Variants in ABLIM1 observed in about 807,000 individuals in gnomAD.
ABLIM1 encodes the protein actin binding LIM protein 1.
ABLIM1 carries 40 observed loss-of-function variants against 107.0 expected under a neutral mutation model. That is an observed-to-expected ratio of 0.37 (90% CI 0.29 to 0.49). The LOEUF is 0.49. ABLIM1 is among the 20% of genes least tolerant of loss of function. The pLI is 0.97. For synonymous variants in ABLIM1, 357 were observed against 357.3 expected (o/e 1.00, Z 0.01); for missense variants, 857 against 1,008.5 (o/e 0.85, Z 2.04).
At chr10:114,777,001 A>G in the ABLIM1 span, among the ~76,000 whole-genome samples, 1 of 152,106 alleles carries the variant, frequency 6.6e-6, no homozygotes, top group African/African-American at 2.4e-5. Flanking sequence ...CTTAGGTTGC[A>G]CTTGTCTTTT....
Position 114,432,965 on chromosome 10 carries a change from A to G in ABLIM1, c.*3295T>C, listed in dbSNP as rs538929932. The G allele has an allele frequency of 1.3e-5, 2 of 152,302 alleles. No homozygotes were observed. Among genetic ancestry groups the G allele is most frequent in the South Asian group, 4.1e-4 (2 of 4,822 alleles). 9.4% of individuals were successfully genotyped at this position (152,302 alleles called of 1,614,324 possible). Reference sequence around the variant, plus strand: ...TTTCCCAATGCTCTTCCTATCTCCTAATAAGTCACACAGAAAGACTATGTG... The same window carrying G: ...TTTCCCAATGCTCTTCCTATCTCCTGATAAGTCACACAGAAAGACTATGTG... On this transcript the variant is annotated 3_prime_UTR_variant, in exon 23 of 23. Transcript: ENST00000533213.
chr10:114,447,886 C>T lies in ABLIM1; in HGVS notation c.1729G>A (p.Val577Ile), dbSNP rs541602745. 3.1e-6 allele frequency: 5 copies of T among 1,614,082 alleles called. No homozygotes were observed. In the South Asian group the frequency reaches 4.4e-5, roughly 14 times the overall value. ...AGCCGTGACAGTTGCATACCTACGA[C>T]AGCAAATGAGGGGGGACCAGGCCAG... Reference protein sequence around the residue: ...DHWPGPPSFAVVGPDMKRRSS... With the variant: ...DHWPGPPSFAIVGPDMKRRSS... Residue 577 changes from valine (V) to isoleucine (I), a missense_variant, in exon 15 of 23, where the codon GTC becomes ATC. Val to Ile is a conservative substitution (Grantham distance 29, BLOSUM62 3). Coordinates refer to ENST00000533213, the MANE Select transcript of ABLIM1 (RefSeq NM_002313.7).
At chr10:114,553,080 A>T (rs2068276545) in intron 4 of ABLIM1, among the ~76,000 whole-genome samples, 1 of 137,774 alleles carries the variant, frequency 7.3e-6, no homozygotes, top group East Asian at 2.1e-4. Flanking sequence ...CTCCTTGAGA[A>T]CTATTTCCGC....
chr10:114,477,547 G>A (rs74449624), intron 8 of ABLIM1, among the ~76,000 whole-genome samples: 2 of 152,162 alleles, frequency 1.3e-5, no homozygotes, highest in South Asian at 2.1e-4. Flanking sequence ...TGCACCTGGG[G>A]ATGGCTCTGA....
Position 114,695,315 on chromosome 10 carries a change from C to T in ABLIM1, c.-213+72746G>A, listed in dbSNP as rs141975738. Reference sequence around the variant, plus strand: ...ACATTTATAGAGCCCTTAAAACATGCAGGAATCAACATAAGGTGCTCTCCA... The same window carrying T: ...ACATTTATAGAGCCCTTAAAACATGTAGGAATCAACATAAGGTGCTCTCCA... On this transcript the variant is annotated intron_variant, in intron 1 of 15. Transcript: ENST00000651092. Among the ~76,000 whole-genome samples the T allele has an allele frequency of 7.2e-5, 11 of 152,168 alleles. No individual in the cohort carries two copies. The East Asian group carries it at 2.1e-3, about 29-fold the overall frequency.
At chr10:114,531,236 CTG>C (rs2065417268) in intron 6 of ABLIM1, among the ~76,000 whole-genome samples, 1 of 152,294 alleles carries the variant, frequency 6.6e-6, no homozygotes, top group South Asian at 2.1e-4. Flanking sequence ...TTTACAAAAT[CTG>C]TGTTTTATAA....
chr10:114,544,905 A>G, intron 6 of ABLIM1, 100 bp downstream of exon 6: 1 of 1,118,848 alleles, frequency 8.9e-7, no homozygotes, highest in Non-Finnish European at 1.4e-6. Context: ...CCACAGGTGA[A>G]AAAAAGATGG....
intron 1 of ABLIM1, among the ~76,000 whole-genome samples, chr10:114,730,039 A>G (rs1458966832): frequency 6.6e-6 from 1 of 152,208 alleles, no homozygotes; most frequent in Non-Finnish European, 1.5e-5. Context: ...CAAAGAATTT[A>G]TTCCGTAAAA....
chr10:114,533,630 A>G (rs1327292055), intron 6 of ABLIM1, among the ~76,000 whole-genome samples: 1 of 152,150 alleles, frequency 6.6e-6, no homozygotes. Flanking sequence ...TTACTTGGCC[A>G]TTTAATACTG....
At chr10:114,729,338 C>T (rs368022307) in intron 1 of ABLIM1, among the ~76,000 whole-genome samples, 10 of 152,224 alleles carry the variant, frequency 6.6e-5, no homozygotes, top group African/African-American at 1.9e-4. Flanking sequence ...CCTGTTCTCA[C>T]GCTGACCACA....
chr10:114,663,728 C>T (rs1198257156), intron 1 of ABLIM1, among the ~76,000 whole-genome samples: 1 of 152,208 alleles, frequency 6.6e-6, no homozygotes, highest in Non-Finnish European at 1.5e-5. Context: ...CAGCTGTGGA[C>T]ATAGGAAGCT....
chr10:114,799,271 C>G, the ABLIM1 span, among the ~76,000 whole-genome samples: 2 of 152,190 alleles, frequency 1.3e-5, no homozygotes, highest in South Asian at 4.1e-4. Flanking sequence ...TCTTCTCTTC[C>G]TATGAAGGAA....
At chr10:114,755,486 T>C (rs1404998771) in intron 1 of ABLIM1, among the ~76,000 whole-genome samples, 1 of 152,214 alleles carries the variant, frequency 6.6e-6, no homozygotes, top group Non-Finnish European at 1.5e-5. Context: ...GGACTATACC[T>C]TACTCATTCC....
rs79076346 is a variant in ABLIM1, at chr10:114,526,535, G to A, written c.894+18470C>T. On this transcript the variant is annotated intron_variant, in intron 6 of 22. Transcript: ENST00000533213. ...CAGGGCAATAAAAGTGACTTCTGTCGCCAGCATCCAGCCACCACATTTGGA... is the reference window on the plus strand; with the variant it reads ...CAGGGCAATAAAAGTGACTTCTGTCACCAGCATCCAGCCACCACATTTGGA... 1,628 of 687,988 alleles carry A rather than the reference G, an allele frequency of 2.4e-3. 4 individuals carry two copies. The highest frequency in any genetic ancestry group is 2.7e-3 in the Non-Finnish European group (1,520 of 558,578). 42.6% of individuals were successfully genotyped at this position (687,988 alleles called of 1,614,324 possible).
At chr10:114,748,493 T>C (rs2082433039) in intron 1 of ABLIM1, among the ~76,000 whole-genome samples, 1 of 151,984 alleles carries the variant, frequency 6.6e-6, no homozygotes, top group Non-Finnish European at 1.5e-5. Context: ...TCAGAAGGCT[T>C]ATCTGCTGTG....
intron 1 of ABLIM1, among the ~76,000 whole-genome samples, chr10:114,607,449 C>T (rs1311798417): frequency 6.6e-6 from 1 of 152,168 alleles, no homozygotes. Context: ...ATGGGCTGTA[C>T]ATAGTGATCT....
chr10:114,557,837 CAA>C (rs11340316), intron 4 of ABLIM1, among the ~76,000 whole-genome samples: 26,328 of 136,370 alleles, frequency 0.19, 2,587 homozygotes, highest in East Asian at 0.31. Flanking sequence ...TTATGACTCT[CAA>C]AAAAAAAAAA....
the ABLIM1 span, among the ~76,000 whole-genome samples, chr10:114,797,395 A>G: frequency 2.0e-5 from 3 of 152,258 alleles, no homozygotes; most frequent in Non-Finnish European, 2.9e-5. Context: ...AGAAAATCAC[A>G]TAACAGTATA....
intron 8 of ABLIM1, among the ~76,000 whole-genome samples, chr10:114,483,969 C>A (rs755259210): frequency 1.8e-4 from 27 of 152,330 alleles, no homozygotes; most frequent in South Asian, 1.4e-3. Flanking sequence ...CTCTGCCGGG[C>A]TGGTTGAGTC....
Sources: allele counts gnomAD v4.1 joint callset (sites outside exome capture counted in the v4.1 genomes callset), GRCh38; gene constraint gnomAD v4.1.1; transcripts MANE v1.5; gene names NCBI Gene and HGNC (gene_info 2026-07-23, HGNC 2026-07-21).